Variants in CCDC149 observed in about 807,000 individuals in gnomAD.
CCDC149 encodes the protein coiled-coil domain-containing protein 149.
In CCDC149, 45 loss-of-function variants were observed where a neutral mutation model predicts 59.9. The ratio of observed to expected loss-of-function variants is 0.75; its 90% confidence interval spans 0.59 to 0.96. The LOEUF (loss-of-function observed/expected upper bound fraction) is 0.96. CCDC149 is among the 40% of genes least tolerant of loss of function. The pLI, the probability that CCDC149 is intolerant of heterozygous loss-of-function variation, is 0.00. For missense variants in CCDC149, 584 were observed against 664.7 expected, an observed-to-expected ratio of 0.88 and a Z score of 1.33; for synonymous variants, 245 against 260.6, an observed-to-expected ratio of 0.94 and a Z score of 0.58.
intron 1 of CCDC149, among the ~76,000 whole-genome samples, chr4:24,919,888 T>C (rs1280292349): frequency 3.9e-5 from 6 of 152,230 alleles, no homozygotes; most frequent in Admixed American, 2.6e-4. Context: ...CCAAGAAAGA[T>C]TGCAGTAACT....
Position 24,836,523 on chromosome 4 carries a change from A to T in CCDC149, c.663-15T>A, listed in dbSNP as rs1226855271. 1.9e-6 allele frequency: 3 copies of T among 1,574,726 alleles called. No individual in the cohort carries two copies. The highest frequency in any genetic ancestry group is 1.7e-6 in the Non-Finnish European group (2 of 1,145,346). ...CTTGAAGGTACCTGAAAAAGAATACATAAAACTAGGAGGTGTTTAAGGGCT... is the reference window on the plus strand; with the variant it reads ...CTTGAAGGTACCTGAAAAAGAATACTTAAAACTAGGAGGTGTTTAAGGGCT... On this transcript the variant is annotated splice_polypyrimidine_tract_variant and intron_variant, in intron 6 of 12. Transcript: ENST00000635206.
chr4:24,955,345 G>A (rs1198746837), intron 1 of CCDC149, among the ~76,000 whole-genome samples: 1 of 152,138 alleles, frequency 6.6e-6, no homozygotes, highest in African/African-American at 2.4e-5. Flanking sequence ...CATTAATGAA[G>A]AAGGAACCCT....
intron 1 of CCDC149, among the ~76,000 whole-genome samples, chr4:24,951,007 G>A (rs1047898299): frequency 6.6e-6 from 1 of 152,176 alleles, no homozygotes; most frequent in Non-Finnish European, 1.5e-5. Context: ...GTATCTTTGG[G>A]GACCCCTTTA....
chr4:24,803,558 G>T (rs149026622), downstream of CCDC149, among the ~76,000 whole-genome samples: 156 of 152,280 alleles, frequency 1.0e-3, 1 homozygote, highest in African/African-American at 3.6e-3. The surrounding 1 kb of genome is among the most constrained non-coding windows in gnomAD (Gnocchi z 4.3). Context: ...TAACAAAAAA[G>T]ATATAGTTAT....
chr4:24,867,056 T>C (rs904936191), intron 3 of CCDC149, among the ~76,000 whole-genome samples: 1 of 152,176 alleles, frequency 6.6e-6, no homozygotes, highest in Non-Finnish European at 1.5e-5. Flanking sequence ...AAGCCTGAAC[T>C]ACAGCACCGA....
At chr4:24,874,046 G>A (rs1343281754) in intron 2 of CCDC149, among the ~76,000 whole-genome samples, 2 of 152,078 alleles carry the variant, frequency 1.3e-5, no homozygotes, top group South Asian at 2.1e-4. Flanking sequence ...TTTGGTTTGA[G>A]TTCCTCTTTT....
intron 3 of CCDC149, among the ~76,000 whole-genome samples, chr4:24,856,089 C>T (rs1326025652): frequency 6.6e-6 from 1 of 152,212 alleles, no homozygotes; most frequent in African/African-American, 2.4e-5. Context: ...GGTTACCTCC[C>T]TCAACTGTGC....
At chr4:24,952,595 CAA>C (rs869310845) in intron 1 of CCDC149, among the ~76,000 whole-genome samples, 6 of 41,406 alleles carry the variant, frequency 1.4e-4, no homozygotes, top group Non-Finnish European at 2.2e-4. Flanking sequence ...AACTCCATCT[CAA>C]AAAAAAAAAA....
Position 24,808,501 on chromosome 4 carries a change from T to G in CCDC149, c.1511A>C (p.Lys504Thr), listed in dbSNP as rs777579120. The stretch of plus-strand genomic sequence containing the variant: ...GGCCTCGAAGGAGTCCAGGTGAGAT[T>G]TAGGGAGCTCCCCCTGGATGGCCAG... The change falls in exon 13 of 13, where the codon AAA becomes ACA. Residue 504 changes from lysine (K) to threonine (T), a missense_variant. Transcript: ENST00000635206. 7.1e-5 allele frequency: 108 copies of G among 1,520,124 alleles called. No individual in the cohort carries two copies. The highest frequency in any genetic ancestry group is 8.9e-5 in the Non-Finnish European group (101 of 1,133,790). 94.2% of individuals were successfully genotyped at this position (1,520,124 alleles called of 1,614,324 possible). A position where few individuals can be genotyped will look rare whatever the true frequency, so the allele number is the denominator to read the frequency against.
intron 1 of CCDC149, among the ~76,000 whole-genome samples, chr4:24,937,678 C>T (rs370502183): frequency 3.4e-4 from 52 of 152,146 alleles, no homozygotes; most frequent in Non-Finnish European, 6.8e-4. Context: ...AAAGCTGGAG[C>T]GTTACACCCT....
chr4:24,911,711 G>A (rs1193083561), intron 1 of CCDC149, among the ~76,000 whole-genome samples: 15 of 152,138 alleles, frequency 9.9e-5, no homozygotes, highest in Admixed American at 9.8e-4. Context: ...AGGAGCTACC[G>A]CATGTCATTC....
intron 3 of CCDC149, among the ~76,000 whole-genome samples, chr4:24,863,975 C>T (rs2008895): frequency 0.021 from 3,196 of 152,138 alleles, 99 homozygotes; most frequent in South Asian, 0.08. Flanking sequence ...GTGCTCTCGC[C>T]ATTGTTCCAT....
At chr4:24,927,575 G>A (rs1476373396) in intron 1 of CCDC149, among the ~76,000 whole-genome samples, 1 of 152,216 alleles carries the variant, frequency 6.6e-6, no homozygotes. Flanking sequence ...TAAAGCAGGT[G>A]CTGAAACCTT....
At chr4:24,954,637 T>C (rs1299561348) in intron 1 of CCDC149, among the ~76,000 whole-genome samples, 1 of 152,160 alleles carries the variant, frequency 6.6e-6, no homozygotes, top group African/African-American at 2.4e-5. Context: ...GAGTACTGCA[T>C]TGGAATGCAG....
At chr4:24,969,216 G>A (rs963442635) in intron 1 of CCDC149, among the ~76,000 whole-genome samples, 1 of 152,206 alleles carries the variant, frequency 6.6e-6, no homozygotes, top group African/African-American at 2.4e-5. Flanking sequence ...TAGGGTGAGT[G>A]CCCTTGACCA....
chr4:24,906,142 T>C (rs1721495536), intron 1 of CCDC149, among the ~76,000 whole-genome samples: 2 of 152,314 alleles, frequency 1.3e-5, no homozygotes, highest in South Asian at 4.1e-4. Flanking sequence ...TAAACCACTC[T>C]ATTTTGGAGG....
intron 1 of CCDC149, among the ~76,000 whole-genome samples, chr4:24,968,046 T>C (rs1296197082): frequency 6.6e-6 from 1 of 152,164 alleles, no homozygotes; most frequent in African/African-American, 2.4e-5. Flanking sequence ...AAGGGAGTTA[T>C]CTGGGATTGG....
downstream of CCDC149, among the ~76,000 whole-genome samples, chr4:24,805,208 GCT>G (rs1386466354): frequency 2.0e-5 from 3 of 152,202 alleles, no homozygotes; most frequent in Non-Finnish European, 4.4e-5. Context: ...AGACCTGTCA[GCT>G]CTGTTTCATT....
chr4:24,970,099 C>A (rs908561626), intron 1 of CCDC149, among the ~76,000 whole-genome samples: 1 of 152,140 alleles, frequency 6.6e-6, no homozygotes, highest in Non-Finnish European at 1.5e-5. Context: ...CACTGTTATC[C>A]AGGGATGAAA....
Sources: allele counts gnomAD v4.1 joint callset (sites outside exome capture counted in the v4.1 genomes callset), GRCh38; gene constraint gnomAD v4.1.1; non-coding constraint Gnocchi (gnomAD v3.1); transcripts MANE v1.5; gene names NCBI Gene and HGNC (gene_info 2026-07-23, HGNC 2026-07-21).